CTNNA3: variants seen among roughly 807,000 people sequenced by gnomAD.
CTNNA3 encodes the protein catenin alpha 3.
CTNNA3 carries 76 observed loss-of-function variants against 95.7 expected under a neutral mutation model. The ratio of observed to expected loss-of-function variants is 0.79; its 90% CI spans 0.66 to 0.96. The LOEUF (loss-of-function observed/expected upper bound fraction) is 0.96, where lower values mean the gene tolerates loss of function less well. Among genes scored for constraint, CTNNA3 ranks in the 40% least tolerant of loss-of-function variants. The pLI, the probability that CTNNA3 is intolerant of heterozygous loss-of-function variation, is 0.00. For missense variants in CTNNA3, 1,191 were observed against 1,089.8 expected (o/e 1.09, Z -1.31); for synonymous variants, 431 against 374.4 (o/e 1.15, Z -1.74).
upstream of CTNNA3, among the ~76,000 whole-genome samples, chr10:67,699,558 T>TA (rs1199381059): frequency 2.0e-5 from 3 of 152,186 alleles, no homozygotes; most frequent in African/African-American, 7.2e-5. Context: ...GCCACCCAGG[T>TA]ACACGCTAAG....
chr10:65,916,846 T>G lies in CTNNA3; in HGVS notation c.*3484A>C, dbSNP rs1438955704. On this transcript the variant is annotated 3_prime_UTR_variant, in exon 18 of 18. Coordinates refer to ENST00000433211, the MANE Select transcript of CTNNA3 (RefSeq NM_013266.4). ...AGAGGTGGGTGAGATGAGAACACCC[T>G]CAAAATGAAGGTTCAGGAAGCCGTT... 1.3e-5 allele frequency: 2 copies of G among 152,100 alleles called. No homozygotes were observed. The highest frequency in any genetic ancestry group is 2.9e-5 in the Non-Finnish European group (2 of 68,014). The allele number at this position is 152,100 out of a possible 1,614,324, so 9.4% of individuals were successfully genotyped here. A position where few individuals can be genotyped will look rare whatever the true frequency, so the allele number is the denominator to read the frequency against.
chr10:67,350,375 T>C (rs1383075635), intron 5 of CTNNA3, among the ~76,000 whole-genome samples: 1 of 152,008 alleles, frequency 6.6e-6, no homozygotes, highest in Admixed American at 6.6e-5. Flanking sequence ...GAGGGGAAAC[T>C]TGTTGCTTTC....
At chr10:66,333,267 G>T (rs983724138) in intron 12 of CTNNA3, among the ~76,000 whole-genome samples, 3 of 151,756 alleles carry the variant, frequency 2.0e-5, no homozygotes, top group South Asian at 2.1e-4. Flanking sequence ...TTGCCTTCTG[G>T]TAGTTTTTGA....
chr10:67,502,933 C>A (rs1044646618), intron 5 of CTNNA3, among the ~76,000 whole-genome samples: 1 of 152,200 alleles, frequency 6.6e-6, no homozygotes, highest in Non-Finnish European at 1.5e-5. Context: ...CTGAGCTACA[C>A]CACTTGGCTC....
At chr10:65,989,867 C>A (rs999237152) in intron 15 of CTNNA3, among the ~76,000 whole-genome samples, 9 of 152,032 alleles carry the variant, frequency 5.9e-5, no homozygotes, top group African/African-American at 2.2e-4. Context: ...TCCCCCCAAT[C>A]CCCAACAAAC....
intron 12 of CTNNA3, among the ~76,000 whole-genome samples, chr10:66,302,721 G>A (rs1364590272): frequency 6.6e-6 from 1 of 151,962 alleles, no homozygotes; most frequent in African/African-American, 2.4e-5. Flanking sequence ...TACTATCATT[G>A]AATCTCTTCT....
chr10:67,339,959 T>C (rs554617957), intron 5 of CTNNA3, among the ~76,000 whole-genome samples: 2 of 152,326 alleles, frequency 1.3e-5, no homozygotes, highest in African/African-American at 4.8e-5. Context: ...GTGTATTATT[T>C]ATCTCCAAAT....
intron 1 of CTNNA3, among the ~76,000 whole-genome samples, chr10:67,719,514 G>A (rs1206550532): frequency 6.6e-6 from 1 of 151,966 alleles, no homozygotes; most frequent in Non-Finnish European, 1.5e-5. Flanking sequence ...TGTTCTTATT[G>A]GTTTCAAAGA....
At chr10:67,370,592 G>A (rs1319862212) in intron 5 of CTNNA3, among the ~76,000 whole-genome samples, 3 of 152,104 alleles carry the variant, frequency 2.0e-5, no homozygotes, top group African/African-American at 4.8e-5. Context: ...GGTTAGGAAT[G>A]CATATTGTTA....
chr10:66,801,767 G>A (rs925901334), intron 7 of CTNNA3, among the ~76,000 whole-genome samples: 18 of 151,536 alleles, frequency 1.2e-4, no homozygotes, highest in African/African-American at 4.4e-4. Flanking sequence ...CTAATTTTAT[G>A]TGGAAATGCA....
intron 3 of CTNNA3, among the ~76,000 whole-genome samples, chr10:67,555,924 T>G (rs566705764): frequency 6.6e-6 from 1 of 152,312 alleles, no homozygotes; most frequent in South Asian, 2.1e-4. Flanking sequence ...TTGAGATATG[T>G]CCAATGAATA....
intron 7 of CTNNA3, among the ~76,000 whole-genome samples, chr10:66,892,389 C>A (rs1845303908): frequency 6.6e-6 from 1 of 151,966 alleles, no homozygotes; most frequent in African/African-American, 2.4e-5. Context: ...CCCGGAAAAC[C>A]AATATAGCTT....
At chr10:67,061,231 T>C (rs1280730323) in intron 7 of CTNNA3, among the ~76,000 whole-genome samples, 1 of 152,168 alleles carries the variant, frequency 6.6e-6, no homozygotes, top group Non-Finnish European at 1.5e-5. Flanking sequence ...CTGAACTGAA[T>C]GAAAGCATTT....
At chr10:66,027,116 A>G (rs944372700) in intron 15 of CTNNA3, among the ~76,000 whole-genome samples, 4 of 152,112 alleles carry the variant, frequency 2.6e-5, no homozygotes. Context: ...AATAATTGCA[A>G]TGTGAAAAAT....
intron 7 of CTNNA3, among the ~76,000 whole-genome samples, chr10:67,066,057 T>G (rs1294775630): frequency 2.0e-5 from 3 of 152,138 alleles, no homozygotes; most frequent in Non-Finnish European, 2.9e-5. Flanking sequence ...ATGAGGTTAT[T>G]TAGGGTCTGT....
chr10:67,175,141 AGGGAGGGAGGG>A, intron 7 of CTNNA3, among the ~76,000 whole-genome samples: 1 of 108,522 alleles, frequency 9.2e-6, no homozygotes, highest in Non-Finnish European at 1.8e-5. Context: ...AAAGGGAGGG[AGGGAGGGAGGG>A]AGGGAGGGAA....
At chr10:66,401,590 C>A (rs2093021943) in intron 11 of CTNNA3, among the ~76,000 whole-genome samples, 1 of 150,014 alleles carries the variant, frequency 6.7e-6, no homozygotes, top group Admixed American at 6.7e-5. Flanking sequence ...AGTAGGCATG[C>A]AAATATTGAT....
intron 11 of CTNNA3, among the ~76,000 whole-genome samples, chr10:66,511,342 GT>G (rs1183139795): frequency 3.3e-5 from 5 of 151,276 alleles, no homozygotes; most frequent in African/African-American, 1.2e-4. Context: ...TGAATCTTTT[GT>G]TTGCTTTTTT....
chr10:66,520,612 C>A lies in CTNNA3; in HGVS notation c.1531+5G>T. ...AATAAACAAATTAAAAGAATAAAAA[C>A]ATACCAGATACAGCAAGGAAGTCAT... On this transcript the variant is annotated splice_donor_5th_base_variant and intron_variant, in intron 11 of 17. Transcript: ENST00000433211. 1.3e-6 allele frequency: 2 copies of A among 1,589,886 alleles called. No individual in the cohort carries two copies. The highest frequency in any genetic ancestry group is 2.3e-5 in the East Asian group (1 of 42,912).
Sources: allele counts gnomAD v4.1 joint callset (sites outside exome capture counted in the v4.1 genomes callset), GRCh38; gene constraint gnomAD v4.1.1; transcripts MANE v1.5; gene names NCBI Gene and HGNC (gene_info 2026-07-23, HGNC 2026-07-21).